Variants in STAB1 observed in about 807,000 individuals in gnomAD.
STAB1 encodes stabilin-1.
In STAB1, 250 loss-of-function variants were observed where a neutral mutation model predicts 332.4. That is an observed-to-expected ratio of 0.75 (90% CI 0.68 to 0.84). The LOEUF is 0.84. Among genes scored for constraint, STAB1 ranks in the 40% least tolerant of loss-of-function variants. STAB1 has a pLI of 0.00. For synonymous variants in STAB1, 1,475 were observed against 1,390.4 expected (o/e 1.06, Z -1.35); for missense variants, 3,249 against 3,489.7 (o/e 0.93, Z 1.74).
rs545909150 is a variant in STAB1, at chr3:52,512,908, C to G, written c.3108C>G (p.Pro1036=). Residue 1036 remains proline, a synonymous_variant, in exon 29 of 69, where the codon CCC becomes CCG. Coordinates refer to ENST00000321725, the MANE Select transcript of STAB1 (RefSeq NM_015136.3). ...AGGCTGCAGTCCGTCAGCTGAGCCC[C>G]GAGGACCGAGCTTTCTGGCTGCAGC... The part of the protein sequence containing the change: ...PSEAAVRQLS[P]EDRAFWLQPR... 1.2e-6 allele frequency: 2 copies of G among 1,611,922 alleles called. No individual in the cohort carries two copies. The highest frequency in any genetic ancestry group is 1.7e-6 in the Non-Finnish European group (2 of 1,179,862).
rs889390343 is a variant in STAB1, at chr3:52,512,354, C to A, written c.2897C>A (p.Ala966Glu). 4 of 1,612,828 alleles carry A rather than the reference C, an allele frequency of 2.5e-6. No individual in the cohort carries two copies. In the African/African-American group the frequency reaches 4.0e-5, roughly 16 times the overall value. Reference sequence around the variant, plus strand: ...CTCCCACCCCAGGCCACCTGCCGGGCAGTGGGGGGAGGTCAGCGGGTCTGC... The same window carrying A: ...CTCCCACCCCAGGCCACCTGCCGGGAAGTGGGGGGAGGTCAGCGGGTCTGC... ...GGCHGLATCR[A>E]VGGGQRVCTC... The change falls in exon 27 of 69, where the codon GCA (alanine) becomes GAA (glutamate). Residue 966 changes from alanine to glutamate, a missense_variant. By Grantham distance (107) the Ala-to-Glu change is moderately radical. Coordinates refer to ENST00000321725, the MANE Select transcript of STAB1 (RefSeq NM_015136.3).
In STAB1 at chr3:52,520,013, G is replaced by C; in HGVS notation, c.5305G>C (p.Ala1769Pro). The C allele has an allele frequency of 6.2e-7, 1 of 1,612,194 alleles. No individual in the cohort carries two copies. The highest frequency in any genetic ancestry group is 8.5e-7 in the Non-Finnish European group (1 of 1,179,816). Reference protein sequence around the residue: ...RPFTMLWPTDAAFRALPPDRQ... With the variant: ...RPFTMLWPTDPAFRALPPDRQ... ...CTTCACAATGCTGTGGCCCACAGAC[G>C]CCGCCTTTCGAGCTCTGCCTCCGGA... The change falls in exon 51 of 69, where the codon GCC becomes CCC. Residue 1769 changes from alanine to proline, a missense_variant. Coordinates refer to ENST00000321725, the MANE Select transcript of STAB1 (RefSeq NM_015136.3).
chr3:52,520,981 G>T lies in STAB1; in HGVS notation c.5884G>T (p.Gly1962Cys). The change falls in exon 55 of 69, where the codon GGT (glycine) becomes TGT (cysteine). Residue 1962 changes from glycine to cysteine, a missense_variant. Gly to Cys is a radical substitution (Grantham distance 159). Coordinates refer to ENST00000321725, the MANE Select transcript of STAB1 (RefSeq NM_015136.3). ...TTTWKPSCCP[G>C]HYGSECQACP... ...CACCTGGAAGCCCAGCTGCTGCCCTGGTCACTATGGCAGTGAGTGCCAAGG... is the reference window on the plus strand; with the variant it reads ...CACCTGGAAGCCCAGCTGCTGCCCTTGTCACTATGGCAGTGAGTGCCAAGG... 2 of 1,562,278 alleles carry T rather than the reference G, an allele frequency of 1.3e-6. No homozygotes were observed. The highest frequency in any genetic ancestry group is 1.7e-6 in the Non-Finnish European group (2 of 1,155,230).
At position 52,519,373 on chromosome 3, in the gene STAB1, A is replaced by G; in HGVS notation, c.5144A>G (p.His1715Arg). The G allele has an allele frequency of 6.2e-7, 1 of 1,613,068 alleles. No individual in the cohort carries two copies. Among genetic ancestry groups the G allele is most frequent in the Non-Finnish European group, 8.5e-7 (1 of 1,179,986 alleles). The change falls in exon 49 of 69, where the codon CAC becomes CGC. Residue 1715 changes from histidine (H) to arginine (R), a missense_variant. By Grantham distance (29) the His-to-Arg change is conservative (BLOSUM62 0). Transcript: ENST00000321725. ...GTCCTGCTGCCCCCCGAGGCGCTGC[A>G]CTGGGAGCCTGATGATGCTCCCATC... ...DRVLLPPEALHWEPDDAPIPR... is the reference protein window; with the variant it reads ...DRVLLPPEALRWEPDDAPIPR...
At chr3:52,506,601 G>A (rs1708886657) in intron 17 of STAB1, 91 bp from the exon 18 acceptor site, 3 of 1,403,866 alleles carry the variant, frequency 2.1e-6, no homozygotes, top group East Asian at 2.5e-5. Flanking sequence ...CTGCCTGTCT[G>A]CTCTAACTGG....
chr3:52,503,973 G>A, intron 9 of STAB1, 55 bp from the exon 10 acceptor site: 1 of 1,606,790 alleles, frequency 6.2e-7, no homozygotes, highest in African/African-American at 1.3e-5. Context: ...GGCGTGGGGG[G>A]TGCGGTGGGG....
At chr3:52,514,573 A>C in intron 34 of STAB1, 77 bp downstream of exon 34, 1 of 1,546,816 alleles carries the variant, frequency 6.5e-7, no homozygotes, top group African/African-American at 1.4e-5. Flanking sequence ...GAGTTTCCCT[A>C]GCTGTGAGCC....
chr3:52,516,057 C>A lies in STAB1; in HGVS notation c.3963C>A (p.Cys1321Ter), dbSNP rs1208964536. The A allele has an allele frequency of 6.2e-7, 1 of 1,609,910 alleles. No homozygotes were observed. The highest frequency in any genetic ancestry group is 2.2e-5 in the East Asian group (1 of 44,804). Residue 1321 changes from cysteine (C) to a stop codon, truncating the protein, a stop_gained, in exon 38 of 69, where the codon TGC becomes TGA. Transcript: ENST00000321725. LOFTEE classifies it high-confidence loss of function. ...CAKKIQVPDC[C>*]PGFFGTLCEP... is the part of the protein sequence containing the mutation. ...CACGCCGACAGGTGCCGGACTGCTGCCCTGGTTTCTTTGGCACGCTGTGTG... is the reference window on the plus strand; with the variant it reads ...CACGCCGACAGGTGCCGGACTGCTGACCTGGTTTCTTTGGCACGCTGTGTG...
At chr3:52,496,939 G>A (rs897231684) in intron 1 of STAB1, among the ~76,000 whole-genome samples, 1 of 152,198 alleles carries the variant, frequency 6.6e-6, no homozygotes, top group Admixed American at 6.5e-5. Flanking sequence ...CCCTGTACTT[G>A]GGTTCAACCA....
At position 52,506,666 on chromosome 3, in the gene STAB1, G is replaced by T. The variant is rs776762316; in HGVS notation, c.1831-26G>T. 4 of 1,590,692 alleles carry T rather than the reference G, an allele frequency of 2.5e-6. No individual in the cohort carries two copies. The East Asian group carries it at 6.8e-5, about 27-fold the overall frequency. On this transcript the variant is annotated intron_variant, in intron 17 of 68. Coordinates refer to ENST00000321725, the MANE Select transcript of STAB1 (RefSeq NM_015136.3). ...CGGGCCAAGGCCAGCCAGGCTGGGG[G>T]TTGGCTCAGTGGGTCTCTGCCGCAG...
chr3:52,495,649 C>T (rs894128514), intron 1 of STAB1, among the ~76,000 whole-genome samples, 158 bp downstream of exon 1: 5 of 152,344 alleles, frequency 3.3e-5, no homozygotes, highest in South Asian at 4.1e-4. Context: ...GCTATTGTGC[C>T]CACCTCCCCA....
rs527851180 is a variant in STAB1, at chr3:52,514,129, G to A, written c.3462G>A (p.Val1154=). Residue 1154 remains valine, a synonymous_variant, in exon 33 of 69, where the codon GTG becomes GTA. Coordinates refer to ENST00000321725, the MANE Select transcript of STAB1 (RefSeq NM_015136.3). ...CCCATCCCTAGCACCATGGGTTGGT[G>A]CCCCAGATTGAGGCTGCCACTGCCT... The part of the protein sequence containing the change: ...FRELLQHHGL[V]PQIEAATAYT... The A allele has an allele frequency of 1.2e-6, 2 of 1,613,366 alleles. No individual in the cohort carries two copies. The highest frequency in any genetic ancestry group is 1.7e-4 in the Middle Eastern group (1 of 6,060).
In STAB1 at chr3:52,522,757, C is replaced by A; in HGVS notation, c.6745-18C>A. On this transcript the variant is annotated intron_variant, in intron 61 of 68. Transcript: ENST00000321725. ...TTGACTGGGTCTTGGGTCTTAGTAT[C>A]CCCTCCTGTTCCTACAGCTGGGCTT... 6.2e-7 allele frequency: 1 copy of A among 1,612,758 alleles called. No homozygotes were observed. The highest frequency in any genetic ancestry group is 8.5e-7 in the Non-Finnish European group (1 of 1,179,794).
Position 52,512,921 on chromosome 3 carries a change from T to G in STAB1, c.3121T>G (p.Phe1041Val), listed in dbSNP as rs371509000. ...TCAGCTGAGCCCCGAGGACCGAGCT[T>G]TCTGGCTGCAGCCAAGGACGCTGCC... Reference protein sequence around the residue: ...VRQLSPEDRAFWLQPRTLPNL... With the variant: ...VRQLSPEDRAVWLQPRTLPNL... Residue 1041 changes from phenylalanine to valine, a missense_variant, in exon 29 of 69, where the codon TTC becomes GTC. Phe to Val is a conservative substitution (Grantham distance 50, BLOSUM62 -1). Coordinates refer to ENST00000321725, the MANE Select transcript of STAB1 (RefSeq NM_015136.3). 2.2e-5 allele frequency: 36 copies of G among 1,611,772 alleles called. No homozygotes were observed. Among genetic ancestry groups the G allele is most frequent in the Non-Finnish European group, 2.6e-5 (31 of 1,179,730 alleles).
At chr3:52,511,584 G>C (rs1709301869) in intron 25 of STAB1, 66 bp from the exon 26 acceptor site, 1 of 1,459,564 alleles carries the variant, frequency 6.9e-7, no homozygotes, top group African/African-American at 1.4e-5. Flanking sequence ...AGAGAGCCAA[G>C]TAATGGAGGA....
At chr3:52,518,144 C>G in intron 45 of STAB1, 141 bp downstream of exon 45, 1 of 1,488,256 alleles carries the variant, frequency 6.7e-7, no homozygotes, top group Non-Finnish European at 9.0e-7. Flanking sequence ...TGTACCTGGG[C>G]CTGACCCCAG....
chr3:52,521,273 C>T, intron 55 of STAB1, 88 bp from the exon 56 acceptor site: 3 of 1,570,216 alleles, frequency 1.9e-6, no homozygotes, highest in Middle Eastern at 2.1e-4. Flanking sequence ...AGGTCAGGGA[C>T]AGATGGCAGG....
chr3:52,523,697 A>T lies in STAB1; in HGVS notation c.7336A>T (p.Met2446Leu). The T allele has an allele frequency of 6.2e-7, 1 of 1,610,816 alleles. No homozygotes were observed. ...VVSRIIVWDI[M>L]AFNGIIHALA... Reference sequence around the variant, plus strand: ...TAGCCGTATCATTGTGTGGGACATCATGGCCTTCAATGGCATCATCCATGC... The same window carrying T: ...TAGCCGTATCATTGTGTGGGACATCTTGGCCTTCAATGGCATCATCCATGC... The change falls in exon 66 of 69, where the codon ATG (methionine) becomes TTG (leucine). Residue 2446 changes from methionine to leucine, a missense_variant. Met to Leu is a conservative substitution (Grantham distance 15, BLOSUM62 2). Coordinates refer to ENST00000321725, the MANE Select transcript of STAB1 (RefSeq NM_015136.3).
Position 52,509,235 on chromosome 3 carries a change from G to A in STAB1, c.2261G>A (p.Gly754Glu), listed in dbSNP as rs766989058. The change falls in exon 22 of 69, where the codon GGG (glycine) becomes GAG (glutamate). Residue 754 changes from glycine to glutamate, a missense_variant. Physicochemically the swap from Gly to Glu is moderately conservative, Grantham distance 98. Transcript: ENST00000321725. ...GNCSDGIQGN[G>E]ACLCFPDYKG... The stretch of plus-strand genomic sequence containing the variant: ...TGCAGTGATGGGATCCAGGGCAATG[G>A]GGCCTGCCTCTGCTTCCCAGACTAC... The A allele has an allele frequency of 2.5e-6, 4 of 1,613,608 alleles. No individual in the cohort carries two copies. The highest frequency in any genetic ancestry group is 1.7e-5 in the Admixed American group (1 of 60,016).
Sources: allele counts gnomAD v4.1 joint callset (sites outside exome capture counted in the v4.1 genomes callset), GRCh38; gene constraint gnomAD v4.1.1; transcripts MANE v1.5; gene names NCBI Gene and HGNC (gene_info 2026-07-23, HGNC 2026-07-21).